Variants in UNC79 observed in about 807,000 individuals in gnomAD.
UNC79 encodes the protein unc-79 subunit of NALCN channel complex.
Under a neutral mutation model 283.1 loss-of-function variants are expected in UNC79, and 37 were observed. The ratio of observed to expected loss-of-function variants is 0.13; its 90% CI spans 0.10 to 0.17. The LOEUF (loss-of-function observed/expected upper bound fraction) is 0.17, where lower values mean the gene tolerates loss of function less well. UNC79 is among the 10% of genes least tolerant of loss of function. The pLI is 1.00. For missense variants in UNC79, 2,272 were observed against 3,211.1 expected, an observed-to-expected ratio of 0.71 and a Z score of 7.07; for synonymous variants, 1,107 against 1,200.2, an observed-to-expected ratio of 0.92 and a Z score of 1.61.
At chr14:93,582,485 C>A in intron 20 of UNC79, 141 bp downstream of exon 20, 1 of 1,243,412 alleles carries the variant, frequency 8.0e-7, no homozygotes, top group Non-Finnish European at 1.1e-6. Flanking sequence ...GAACATCTCC[C>A]AGCGGATTAT....
chr14:93,380,740 G>A (rs2054649623), intron 1 of UNC79, among the ~76,000 whole-genome samples: 1 of 152,148 alleles, frequency 6.6e-6, no homozygotes, highest in Non-Finnish European at 1.5e-5. Context: ...TGGATTGAAT[G>A]AAAGATGCTT....
Position 93,445,288 on chromosome 14 carries a change from T to G in UNC79, c.22+14237T>G, listed in dbSNP as rs534676785. On this transcript the variant is annotated intron_variant, in intron 1 of 48. Transcript: ENST00000555664. The stretch of plus-strand genomic sequence containing the variant: ...TTTACATCTGCCTTTCCAATCTGTA[T>G]GCCTTTTATTTCTTTTTATTGCCTA... Among the ~76,000 whole-genome samples, 10 of 152,308 alleles carry G rather than the reference T, an allele frequency of 6.6e-5. No homozygotes were observed. The South Asian group carries it at 2.1e-3, about 32-fold the overall frequency.
At chr14:93,575,266 C>A in intron 17 of UNC79, 68 bp downstream of exon 17, 1 of 1,600,230 alleles carries the variant, frequency 6.2e-7, no homozygotes, top group Non-Finnish European at 8.5e-7. Context: ...AGTTATCCTA[C>A]GCCTGAAAGT....
At chr14:93,603,087 T>C in intron 25 of UNC79, 152 bp from the exon 26 acceptor site, 1 of 806,024 alleles carries the variant, frequency 1.2e-6, no homozygotes, top group Non-Finnish European at 1.8e-6. Flanking sequence ...ATAGTTATTT[T>C]TGTATGTAGG....
chr14:93,680,583 C>CTATT (rs150467251), intron 41 of UNC79, among the ~76,000 whole-genome samples: 5,290 of 151,998 alleles, frequency 0.035, 270 homozygotes, highest in African/African-American at 0.11. Context: ...ACTTAGATAG[C>CTATT]TATTTATTTA....
At chr14:93,530,577 A>T (rs1441846796) in intron 10 of UNC79, among the ~76,000 whole-genome samples, 1 of 152,056 alleles carries the variant, frequency 6.6e-6, no homozygotes, top group African/African-American at 2.4e-5. Flanking sequence ...ATGCCACTGC[A>T]CTCCAGCCTA....
At chr14:93,707,182 A>G (rs2075929127), downstream of UNC79, 1 of 347,746 alleles carries the variant, frequency 2.9e-6, no homozygotes, top group African/African-American at 2.1e-5. Context: ...TTTTTAAGAA[A>G]AAAAAATAGA....
At position 93,616,628 on chromosome 14, in the gene UNC79, G is replaced by C. The variant is rs925141264; in HGVS notation, c.4042-494G>C. On this transcript the variant is annotated intron_variant, in intron 27 of 48. Coordinates refer to ENST00000555664, the Ensembl canonical transcript of UNC79. ...TCTATCTGCCTCAGCCTCCTAAAGTGCTGGGATTGCAGGCATGAGCCACTG... is the reference window on the plus strand; with the variant it reads ...TCTATCTGCCTCAGCCTCCTAAAGTCCTGGGATTGCAGGCATGAGCCACTG... Among the ~76,000 whole-genome samples the C allele has an allele frequency of 2.6e-5, 4 of 152,172 alleles. 1 individual carries two copies. Among genetic ancestry groups the C allele is most frequent in the Admixed American group, 2.6e-4 (4 of 15,284 alleles).
intron 32 of UNC79, among the ~76,000 whole-genome samples, chr14:93,640,744 C>T (rs868204997): frequency 2.0e-5 from 3 of 152,168 alleles, no homozygotes; most frequent in African/African-American, 2.4e-5. Flanking sequence ...TGTTGATATG[C>T]GTTTGTGATT....
At position 93,370,758 on chromosome 14, in the gene UNC79, C is replaced by T. The variant is rs149662045; in HGVS notation, c.-351+37235C>T. 6.5e-4 allele frequency among the ~76,000 whole-genome samples: 98 copies of T among 151,824 alleles called. 1 individual carries two copies. The highest frequency in any genetic ancestry group is 2.2e-3 in the African/African-American group (93 of 41,364). On this transcript the variant is annotated intron_variant, in intron 1 of 49. Transcript: ENST00000256339. ...TTGCACTCCGGCCTGGGCTACAGAG[C>T]GAGACCCTGTCTCAAAAAGAAAAAG...
intron 1 of UNC79, among the ~76,000 whole-genome samples, chr14:93,362,715 G>T (rs2139945604): frequency 6.6e-6 from 1 of 152,298 alleles, no homozygotes; most frequent in South Asian, 2.1e-4. Flanking sequence ...TCAGTATTGG[G>T]AGGTTGTCTG....
chr14:93,648,367 G>A (rs776371387), intron 35 of UNC79, among the ~76,000 whole-genome samples: 3 of 152,182 alleles, frequency 2.0e-5, no homozygotes, highest in Non-Finnish European at 4.4e-5. Context: ...AAAAATGGAA[G>A]GAGGGAACCA....
chr14:93,392,431 AGAAAT>A (rs1276360346), intron 1 of UNC79, among the ~76,000 whole-genome samples: 1 of 152,258 alleles, frequency 6.6e-6, no homozygotes, highest in East Asian at 1.9e-4. Flanking sequence ...TGATTAAAAA[AGAAAT>A]GAACACTTAA....
At chr14:93,687,638 C>G (rs1429645687) in intron 43 of UNC79, among the ~76,000 whole-genome samples, 1 of 152,146 alleles carries the variant, frequency 6.6e-6, no homozygotes, top group Non-Finnish European at 1.5e-5. Flanking sequence ...ATTTGCAAAT[C>G]CCAGGCAGAA....
At chr14:93,347,895 G>C (rs1405946604) in intron 1 of UNC79, 3 of 577,418 alleles carry the variant, frequency 5.2e-6, no homozygotes, top group East Asian at 5.7e-5. Flanking sequence ...CAGCATTTTA[G>C]ATTTCACTAG....
chr14:93,512,968 A>G (rs1170456101), intron 7 of UNC79, among the ~76,000 whole-genome samples: 1 of 151,878 alleles, frequency 6.6e-6, no homozygotes, highest in African/African-American at 2.4e-5. Flanking sequence ...TATGTTGTAG[A>G]GACTCTGAAC....
At chr14:93,672,062 G>C (rs1474674329) in intron 40 of UNC79, among the ~76,000 whole-genome samples, 2 of 152,152 alleles carry the variant, frequency 1.3e-5, no homozygotes, top group Admixed American at 1.3e-4. Context: ...ATGGAGAAAA[G>C]GGAACTCTTG....
intron 12 of UNC79, 70 bp from the exon 13 acceptor site, chr14:93,540,590 C>T: frequency 1.9e-6 from 3 of 1,547,764 alleles, no homozygotes; most frequent in East Asian, 2.2e-5. Context: ...GAGGTACTTC[C>T]TCTGAATGGG....
chr14:93,388,265 C>T (rs1355988198), intron 1 of UNC79, among the ~76,000 whole-genome samples: 1 of 152,114 alleles, frequency 6.6e-6, no homozygotes, highest in Non-Finnish European at 1.5e-5. Context: ...GCACATACCA[C>T]CACACCCGAC....
Sources: allele counts gnomAD v4.1 joint callset (sites outside exome capture counted in the v4.1 genomes callset), GRCh38; gene constraint gnomAD v4.1.1; transcripts MANE v1.5; gene names NCBI Gene and HGNC (gene_info 2026-07-23, HGNC 2026-07-21).